Variants in ERBB4 observed in about 807,000 individuals in gnomAD.
ERBB4 encodes the protein receptor tyrosine-protein kinase erbB-4.
Under a neutral mutation model 158.0 loss-of-function variants are expected in ERBB4, and 42 were observed. The ratio of observed to expected loss-of-function variants is 0.27; its 90% CI spans 0.21 to 0.34. The LOEUF (loss-of-function observed/expected upper bound fraction) is 0.34. Ranked by LOEUF, ERBB4 falls within the 10% of genes least tolerant of loss-of-function variation. ERBB4 has a pLI of 1.00. For synonymous variants in ERBB4, 583 were observed against 558.7 expected, an observed-to-expected ratio of 1.04 and a Z score of -0.61; for missense variants, 1,333 against 1,624.1, an observed-to-expected ratio of 0.82 and a Z score of 3.08.
chr2:211,713,887 C>T (rs1266808280), intron 7 of ERBB4, among the ~76,000 whole-genome samples: 2 of 152,068 alleles, frequency 1.3e-5, no homozygotes, highest in Non-Finnish European at 2.9e-5. Flanking sequence ...ATTGAATTGC[C>T]CCCAAGATAG....
chr2:212,148,116 G>A (rs1304525202), intron 1 of ERBB4, among the ~76,000 whole-genome samples: 1 of 151,800 alleles, frequency 6.6e-6, no homozygotes, highest in East Asian at 1.9e-4. Context: ...TCATCACCAG[G>A]GGGCAGCACA....
chr2:212,446,629 A>G (rs1189296160), intron 1 of ERBB4, among the ~76,000 whole-genome samples: 2 of 82,762 alleles, frequency 2.4e-5, no homozygotes, highest in African/African-American at 8.7e-5. Context: ...ATATATATAT[A>G]TATATATATC....
chr2:212,365,687 A>G (rs1442384569), intron 1 of ERBB4, among the ~76,000 whole-genome samples: 2 of 151,948 alleles, frequency 1.3e-5, no homozygotes, highest in Non-Finnish European at 2.9e-5. Flanking sequence ...TTCCATAATC[A>G]ATGATATATA....
chr2:212,263,851 T>G (rs922278560), intron 1 of ERBB4, among the ~76,000 whole-genome samples: 1 of 151,810 alleles, frequency 6.6e-6, no homozygotes, highest in African/African-American at 2.4e-5. Context: ...TCTTTTCACT[T>G]TGGATTGCAA....
At chr2:211,630,210 A>G (rs2125871608) in intron 17 of ERBB4, among the ~76,000 whole-genome samples, 1 of 152,292 alleles carries the variant, frequency 6.6e-6, no homozygotes, top group South Asian at 2.1e-4. Flanking sequence ...TCCCAACCAT[A>G]CAAACAAAAT....
At chr2:211,679,595 A>T (rs1034602602) in intron 12 of ERBB4, among the ~76,000 whole-genome samples, 16 of 152,208 alleles carry the variant, frequency 1.1e-4, no homozygotes, top group Non-Finnish European at 2.1e-4. Context: ...TCCTGAAACA[A>T]AAAAAGTATT....
At chr2:211,830,491 T>C (rs2077196006) in intron 3 of ERBB4, among the ~76,000 whole-genome samples, 1 of 152,158 alleles carries the variant, frequency 6.6e-6, no homozygotes, top group Non-Finnish European at 1.5e-5. Flanking sequence ...ATTTAATTAT[T>C]AGCCTTTAAT....
intron 1 of ERBB4, among the ~76,000 whole-genome samples, chr2:212,263,083 A>T (rs2085003013): frequency 1.3e-5 from 2 of 152,144 alleles, no homozygotes; most frequent in South Asian, 4.1e-4. Context: ...AGAAAAAAGG[A>T]GAAGATAAGG....
intron 1 of ERBB4, among the ~76,000 whole-genome samples, chr2:212,503,620 G>C (rs1414889213): frequency 6.6e-6 from 1 of 152,044 alleles, no homozygotes; most frequent in Admixed American, 6.6e-5. Context: ...GCCCCCAAAG[G>C]AAAAAACCAA....
chr2:211,481,494 A>G (rs1574575308), intron 20 of ERBB4, among the ~76,000 whole-genome samples: 1 of 151,012 alleles, frequency 6.6e-6, no homozygotes, highest in African/African-American at 2.4e-5. Flanking sequence ...AGAATTTGCC[A>G]CTCATAAGGT....
intron 15 of ERBB4, 80 bp from the exon 16 acceptor site, chr2:211,657,908 G>A (rs778367461): frequency 6.2e-7 from 1 of 1,608,016 alleles, no homozygotes; most frequent in Admixed American, 1.7e-5. Context: ...CTCACACATG[G>A]AGCCTTGGAG....
intron 1 of ERBB4, among the ~76,000 whole-genome samples, chr2:212,433,640 T>C (rs1345216762): frequency 2.0e-5 from 3 of 151,974 alleles, no homozygotes; most frequent in Non-Finnish European, 4.4e-5. Flanking sequence ...AATAGGTCCT[T>C]CGCAAAAGTT....
At chr2:211,787,461 C>T (rs940877080) in intron 4 of ERBB4, among the ~76,000 whole-genome samples, 4 of 152,094 alleles carry the variant, frequency 2.6e-5, no homozygotes, top group Non-Finnish European at 4.4e-5. Flanking sequence ...GTAGTTTATT[C>T]GACTAATGAC....
chr2:212,041,601 A>C (rs953180991), intron 2 of ERBB4, among the ~76,000 whole-genome samples: 20 of 152,016 alleles, frequency 1.3e-4, no homozygotes, highest in Admixed American at 1.3e-4. Flanking sequence ...AAAAAAAAAA[A>C]ACCAGTAGCA....
chr2:212,538,098 G>A (rs1035654233), intron 1 of ERBB4, among the ~76,000 whole-genome samples: 2 of 152,190 alleles, frequency 1.3e-5, no homozygotes, highest in African/African-American at 4.8e-5. Flanking sequence ...ACCCGACAGG[G>A]ACAGAAGAGT....
intron 3 of ERBB4, among the ~76,000 whole-genome samples, chr2:211,870,753 G>A (rs181441955): frequency 2.6e-5 from 4 of 152,044 alleles, no homozygotes; most frequent in Admixed American, 1.3e-4. Flanking sequence ...ATATATATAT[G>A]TATATATACT....
intron 12 of ERBB4, among the ~76,000 whole-genome samples, chr2:211,684,082 T>C (rs922967499): frequency 5.3e-5 from 8 of 152,208 alleles, no homozygotes; most frequent in Admixed American, 2.0e-4. Context: ...GTTCTTTATA[T>C]ATTCCATCTA....
At chr2:211,859,030 C>T (rs1044655940) in intron 3 of ERBB4, among the ~76,000 whole-genome samples, 5 of 152,154 alleles carry the variant, frequency 3.3e-5, no homozygotes, top group African/African-American at 1.2e-4. Flanking sequence ...GATTCACCTG[C>T]CTCAGCCTCA....
chr2:211,390,094 T>C (rs1574394208), intron 25 of ERBB4, among the ~76,000 whole-genome samples: 2 of 152,210 alleles, frequency 1.3e-5, no homozygotes, highest in South Asian at 4.1e-4. Flanking sequence ...TATAGAGTGA[T>C]AGTACAGGAA....
Sources: allele counts gnomAD v4.1 joint callset (sites outside exome capture counted in the v4.1 genomes callset), GRCh38; gene constraint gnomAD v4.1.1; transcripts MANE v1.5; gene names NCBI Gene and HGNC (gene_info 2026-07-23, HGNC 2026-07-21).